Variants in SLCO1A2 observed in about 807,000 individuals in gnomAD.
SLCO1A2 encodes OATP-1.
A neutral mutation model predicts 69.0 loss-of-function variants in SLCO1A2; 67 were observed. That is an observed-to-expected ratio of 0.97 (90% CI 0.80 to 1.19). The LOEUF is 1.19. Among genes scored for constraint, SLCO1A2 ranks in the 50% most tolerant of loss-of-function variants. The pLI, the probability that SLCO1A2 is intolerant of heterozygous loss-of-function variation, is 0.00. For synonymous variants in SLCO1A2, 260 were observed against 265.9 expected, an observed-to-expected ratio of 0.98 and a Z score of 0.22; for missense variants, 787 against 793.7, an observed-to-expected ratio of 0.99 and a Z score of 0.10.
rs1464219680 is a variant in SLCO1A2, at chr12:21,268,438, G to C, written c.*1110C>G. 6.6e-6 allele frequency: 1 copy of C among 152,072 alleles called. No homozygotes were observed. The highest frequency in any genetic ancestry group is 1.5e-5 in the Non-Finnish European group (1 of 67,976). 9.4% of individuals were successfully genotyped at this position (152,072 alleles called of 1,614,324 possible). On this transcript the variant is annotated 3_prime_UTR_variant, in exon 15 of 15. Transcript: ENST00000683939. ...TTGACTGTCATTTCAACAGGAAGGAGAGTAAGGAGTAGACAAACAGGTATT... is the reference window on the plus strand; with the variant it reads ...TTGACTGTCATTTCAACAGGAAGGACAGTAAGGAGTAGACAAACAGGTATT...
intron 1 of SLCO1A2, among the ~76,000 whole-genome samples, chr12:21,412,342 C>A (rs1200543596): frequency 1.3e-5 from 2 of 151,630 alleles, no homozygotes; most frequent in African/African-American, 4.8e-5. Context: ...GATTGCACCA[C>A]TACACTCCAG....
At chr12:21,378,511 A>C in intron 1 of SLCO1A2, 2 of 1,113,816 alleles carry the variant, frequency 1.8e-6, no homozygotes, top group Admixed American at 3.4e-5. Context: ...CTCCAGTGTG[A>C]ATATATGGTC....
chr12:21,324,226 C>T (rs1402716178), intron 2 of SLCO1A2, among the ~76,000 whole-genome samples: 1 of 152,174 alleles, frequency 6.6e-6, no homozygotes, highest in Non-Finnish European at 1.5e-5. Context: ...ATTCAATCTG[C>T]ATTCAAAAAC....
At chr12:21,378,574 A>G (rs547697942) in intron 1 of SLCO1A2, 1 of 663,618 alleles carries the variant, frequency 1.5e-6, no homozygotes, top group South Asian at 1.8e-5. Context: ...AGATTGTTTT[A>G]TATGTAGTAC....
chr12:21,285,408 C>T lies in SLCO1A2; in HGVS notation c.1610+6756G>A, dbSNP rs552541816. 1.3e-3 allele frequency among the ~76,000 whole-genome samples: 193 copies of T among 147,314 alleles called. 6 individuals are homozygous for T. In the South Asian group the frequency reaches 0.042, roughly 32 times the overall value. ...AAGAGTCCAGGACCAGATGGATTCA[C>T]AGCCGAATTCTACCAGAGGTACAAG... On this transcript the variant is annotated intron_variant, in intron 12 of 14. Transcript: ENST00000683939.
chr12:21,352,523 T>C (rs1312030174), intron 2 of SLCO1A2, among the ~76,000 whole-genome samples: 1 of 152,198 alleles, frequency 6.6e-6, no homozygotes, highest in Admixed American at 6.5e-5. Context: ...TGTGGTTGTG[T>C]CTGAAAATAC....
intron 2 of SLCO1A2, among the ~76,000 whole-genome samples, chr12:21,360,933 T>C (rs1309764317): frequency 6.6e-6 from 1 of 152,168 alleles, no homozygotes; most frequent in Admixed American, 6.5e-5. Flanking sequence ...GAGGCCTGCC[T>C]GCCTCTGTAG....
At chr12:21,277,741 C>T (rs915508362) in intron 12 of SLCO1A2, among the ~76,000 whole-genome samples, 8 of 152,158 alleles carry the variant, frequency 5.3e-5, no homozygotes, top group African/African-American at 1.2e-4. Context: ...AGATCCCTCA[C>T]ATGTGCAGTT....
At chr12:21,296,174 T>C (rs1175582554) in intron 9 of SLCO1A2, among the ~76,000 whole-genome samples, 2 of 152,202 alleles carry the variant, frequency 1.3e-5, no homozygotes, top group Non-Finnish European at 1.5e-5. Context: ...TGAGAATATA[T>C]ATATACAATT....
intron 2 of SLCO1A2, among the ~76,000 whole-genome samples, chr12:21,324,363 G>C (rs960486330): frequency 3.3e-5 from 5 of 152,098 alleles, no homozygotes; most frequent in Admixed American, 2.6e-4. Context: ...GTAAAAATAA[G>C]TTTTAGGCTT....
At chr12:21,351,281 A>G (rs1937930498) in intron 2 of SLCO1A2, among the ~76,000 whole-genome samples, 1 of 152,354 alleles carries the variant, frequency 6.6e-6, no homozygotes, top group South Asian at 2.1e-4. Flanking sequence ...TGCTTGGAAT[A>G]AAAAACAAGT....
chr12:21,362,254 TAAAGAA>T (rs1938965525), intron 2 of SLCO1A2, among the ~76,000 whole-genome samples: 1 of 152,076 alleles, frequency 6.6e-6, no homozygotes, highest in South Asian at 2.1e-4. Flanking sequence ...TCAACATTCT[TAAAGAA>T]AAGAATTTTC....
chr12:21,347,507 A>G (rs924149626), intron 2 of SLCO1A2, among the ~76,000 whole-genome samples: 1 of 151,976 alleles, frequency 6.6e-6, no homozygotes, highest in Non-Finnish European at 1.5e-5. Context: ...TTAGCCAGGC[A>G]TGGTGGCGCA....
At chr12:21,376,047 A>G (rs1184689617) in intron 1 of SLCO1A2, among the ~76,000 whole-genome samples, 1 of 152,216 alleles carries the variant, frequency 6.6e-6, no homozygotes, top group Admixed American at 6.5e-5. Flanking sequence ...TAGAAAAGCA[A>G]TTTCACAAAT....
At chr12:21,412,550 A>C (rs1473932474) in intron 1 of SLCO1A2, among the ~76,000 whole-genome samples, 1 of 152,132 alleles carries the variant, frequency 6.6e-6, no homozygotes, top group Non-Finnish European at 1.5e-5. Context: ...GCACTTATGA[A>C]TTTGTCTATT....
At chr12:21,296,908 A>C (rs986992883) in intron 9 of SLCO1A2, among the ~76,000 whole-genome samples, 1 of 152,196 alleles carries the variant, frequency 6.6e-6, no homozygotes, top group African/African-American at 2.4e-5. Flanking sequence ...GAAAAACCCA[A>C]GTTAGGCTAA....
In SLCO1A2 at chr12:21,304,513, C is replaced by A; in HGVS notation, c.503G>T (p.Arg168Leu). The A allele has an allele frequency of 6.2e-7, 1 of 1,612,772 alleles. No homozygotes were observed. Among genetic ancestry groups the A allele is most frequent in the South Asian group, 1.1e-5 (1 of 91,034 alleles). The change falls in exon 6 of 15, where the codon CGT (arginine) becomes CTT (leucine). Residue 168 changes from arginine to leucine, a missense_variant. Arg to Leu is a moderately radical substitution (Grantham distance 102). Transcript: ENST00000683939. ...WVYVLVGNIVRGMGETPILPL... is the reference protein window; with the variant it reads ...WVYVLVGNIVLGMGETPILPL... Reference sequence around the variant, plus strand: ...CAGGATGGGAGTTTCACCCATTCCACGTACAATATTGCCTACTAGGACGTA... The same window carrying A: ...CAGGATGGGAGTTTCACCCATTCCAAGTACAATATTGCCTACTAGGACGTA...
chr12:21,357,130 C>T (rs1489736956), intron 2 of SLCO1A2, among the ~76,000 whole-genome samples: 3 of 152,110 alleles, frequency 2.0e-5, no homozygotes, highest in South Asian at 4.1e-4. Flanking sequence ...TGTGTCCCTG[C>T]AAAATGCATC....
At chr12:21,299,771 TATATATATATATATATATACACACACAC>T (rs1565482170) in intron 8 of SLCO1A2, among the ~76,000 whole-genome samples, 15 of 83,596 alleles carry the variant, frequency 1.8e-4, no homozygotes, top group African/African-American at 9.1e-4. Flanking sequence ...TATACGTGTG[TATATATATATATATATATACACACACAC>T]GTATATATAT....
Sources: gnomAD v4.1 joint callset for allele counts (sites outside exome capture counted in the v4.1 genomes callset) on GRCh38, gnomAD v4.1.1 for gene constraint, MANE v1.5 for transcripts, NCBI Gene and HGNC (gene_info 2026-07-23, HGNC 2026-07-21) for gene names.